The following CFAP43 variants were observed in gnomAD, a reference collection of about 807,000 sequenced individuals.
The protein encoded by CFAP43 is cilia- and flagella-associated protein 43.
Under a neutral mutation model 218.9 loss-of-function variants are expected in CFAP43, and 155 were observed. The ratio of observed to expected loss-of-function variants is 0.71; its 90% CI spans 0.62 to 0.81. The LOEUF (loss-of-function observed/expected upper bound fraction) is 0.81. CFAP43 is among the 30% of genes least tolerant of loss of function. The pLI, the probability that CFAP43 is intolerant of heterozygous loss-of-function variation, is 0.00. For missense variants in CFAP43, 1,778 were observed against 1,954.3 expected, an observed-to-expected ratio of 0.91 and a Z score of 1.70; for synonymous variants, 645 against 681.3, an observed-to-expected ratio of 0.95 and a Z score of 0.83.
intron 16 of CFAP43, 60 bp downstream of exon 16, chr10:104,184,956 T>C: frequency 3.8e-6 from 6 of 1,571,370 alleles, no homozygotes; most frequent in Middle Eastern, 1.7e-4. Flanking sequence ...TAAATAATAA[T>C]AAAATCTCTA....
At position 104,179,084 on chromosome 10, in the gene CFAP43, A is replaced by C. The variant is rs141383261; in HGVS notation, c.2405T>G (p.Leu802Arg). Residue 802 changes from leucine to arginine, a missense_variant, in exon 19 of 38, where the codon CTG (leucine) becomes CGG (arginine). Around this residue, in one of 3 missense-constraint regions of CFAP43, gnomAD observed 1,553 missense variants for 1,685.2 expected, o/e 0.92. Transcript: ENST00000357060. ...TATCTCTTTCCTTTTCTTGGAAAACAGATTAACCTCCTTTTTGATGGCCTG... is the reference window on the plus strand; with the variant it reads ...TATCTCTTTCCTTTTCTTGGAAAACCGATTAACCTCCTTTTTGATGGCCTG... Reference protein sequence around the residue: ...SQEAIKKEVNLFSKKRKEIKQ... With the variant: ...SQEAIKKEVNRFSKKRKEIKQ... The C allele has an allele frequency of 8.7e-6, 14 of 1,613,464 alleles. No homozygotes were observed. The highest frequency in any genetic ancestry group is 1.2e-5 in the Non-Finnish European group (14 of 1,179,718).
At chr10:104,202,729 CCTT>C (rs2090567628) in intron 8 of CFAP43, among the ~76,000 whole-genome samples, 1 of 151,368 alleles carries the variant, frequency 6.6e-6, no homozygotes. Flanking sequence ...GGTCTTTCCT[CCTT>C]CTTTTATGAT....
chr10:104,179,957 A>G, intron 17 of CFAP43, 25 bp from the exon 18 acceptor site: 1 of 1,570,842 alleles, frequency 6.4e-7, no homozygotes, highest in Non-Finnish European at 8.7e-7. Flanking sequence ...AAAAAGACAG[A>G]CATGTCTTAA....
chr10:104,222,270 A>G (rs1161490131), intron 3 of CFAP43, among the ~76,000 whole-genome samples: 1 of 152,124 alleles, frequency 6.6e-6, no homozygotes, highest in African/African-American at 2.4e-5. Flanking sequence ...CTCCCTGTTC[A>G]TCTTCTAGCT....
At chr10:104,207,147 TG>T (rs2090717389) in intron 6 of CFAP43, among the ~76,000 whole-genome samples, 1 of 151,566 alleles carries the variant, frequency 6.6e-6, no homozygotes, top group Non-Finnish European at 1.5e-5. Flanking sequence ...CATCCTAGCC[TG>T]GGTGACAGAA....
rs367934803 is a variant in CFAP43 at position 104,188,549 on chromosome 10, T to C, written c.1547-139A>G. 3.5e-6 allele frequency: 4 copies of C among 1,139,174 alleles called. No individual in the cohort carries two copies. The African/African-American group carries it at 6.3e-5, about 18-fold the overall frequency. The allele number at this position is 1,139,174 out of a possible 1,614,324, so 70.6% of individuals were successfully genotyped here. On this transcript the variant is annotated intron_variant, in intron 12 of 37. Coordinates refer to ENST00000357060, the MANE Select transcript of CFAP43 (RefSeq NM_025145.7). ...CAAATTATTTGCTGGACATTTAAAG[T>C]GACCTTTAAACATAAGTTACAGGGA...
chr10:104,130,226 T>C lies in CFAP43; in HGVS notation c.4911A>G (p.Ser1637=). 6.2e-7 allele frequency: 1 copy of C among 1,613,306 alleles called. No homozygotes were observed. Among genetic ancestry groups the C allele is most frequent in the Non-Finnish European group, 8.5e-7 (1 of 1,179,856 alleles). The change falls in exon 38 of 38, where the codon TCA becomes TCG. Residue 1637 remains serine (S), a synonymous_variant. Coordinates refer to ENST00000357060, the MANE Select transcript of CFAP43 (RefSeq NM_025145.7). ...TTGAAATCTGTTCAGCTTGTTGTTT[T>C]GAAATATTTGTTAACTTCTGCTGTT... ...MMQQQKLTNI[S]KQQAEQISIL...
chr10:104,174,782 G>A (rs745836310), intron 19 of CFAP43, among the ~76,000 whole-genome samples: 5 of 151,956 alleles, frequency 3.3e-5, no homozygotes, highest in Non-Finnish European at 5.9e-5. Flanking sequence ...CTGGCCGGGC[G>A]TGGTGGCCCA....
chr10:104,193,725 A>G, intron 11 of CFAP43, 141 bp downstream of exon 11: 3 of 1,165,580 alleles, frequency 2.6e-6, no homozygotes, highest in Non-Finnish European at 2.3e-6. Flanking sequence ...GTACCTTTTG[A>G]GTGTTGAACT....
intron 27 of CFAP43, among the ~76,000 whole-genome samples, chr10:104,157,767 TGTGTGTGTGAGAGAGAGAGAGAGA>T (rs1211154587): frequency 2.5e-5 from 3 of 118,690 alleles, no homozygotes; most frequent in African/African-American, 1.1e-4. Flanking sequence ...TGTGTGTGTG[TGTGTGTGTGAGAGAGAGAGAGAGA>T]GAGAGAGAGA....
chr10:104,209,082 C>T (rs867253894), intron 5 of CFAP43, among the ~76,000 whole-genome samples: 1 of 152,080 alleles, frequency 6.6e-6, no homozygotes, highest in Non-Finnish European at 1.5e-5. Flanking sequence ...TTATACAGAT[C>T]GAGTCATTAT....
At chr10:104,184,495 TA>T (rs1328038762) in intron 16 of CFAP43, among the ~76,000 whole-genome samples, 3 of 151,286 alleles carry the variant, frequency 2.0e-5, no homozygotes, top group Non-Finnish European at 4.4e-5. Context: ...GATGCTCTGA[TA>T]TCTGGGGCCT....
chr10:104,138,432 T>G (rs1264628897), intron 34 of CFAP43, among the ~76,000 whole-genome samples: 1 of 152,052 alleles, frequency 6.6e-6, no homozygotes, highest in African/African-American at 2.4e-5. Flanking sequence ...TCCCAACACT[T>G]TGGGAGGCTG....
At position 104,162,024 on chromosome 10, in the gene CFAP43, G is replaced by A. The variant is rs766274815; in HGVS notation, c.3351C>T (p.Leu1117=). ...CTCCCATCATGTCCATCAGAGCTCGGAGTCTTGTACTGGCATCCTGGGAAA... is the reference window on the plus strand; with the variant it reads ...CTCCCATCATGTCCATCAGAGCTCGAAGTCTTGTACTGGCATCCTGGGAAA... The part of the protein sequence containing the change: ...WLLIQDASTR[L]RALMDMMGGV... The change falls in exon 26 of 38, where the codon CTC becomes CTT. Residue 1117 remains leucine (L), a synonymous_variant. Transcript: ENST00000357060. 2 of 1,613,604 alleles carry A rather than the reference G, an allele frequency of 1.2e-6. No individual in the cohort carries two copies. Among genetic ancestry groups the A allele is most frequent in the Admixed American group, 1.7e-5 (1 of 59,946 alleles).
At chr10:104,133,436 C>T (rs2087288896) in intron 35 of CFAP43, 184 bp downstream of exon 35, 6 of 556,420 alleles carry the variant, frequency 1.1e-5, no homozygotes, top group Non-Finnish European at 1.8e-5. Context: ...CTAAATGGGT[C>T]ATGAAGAACT....
At chr10:104,156,894 T>C (rs2088577096) in intron 27 of CFAP43, among the ~76,000 whole-genome samples, 1 of 152,132 alleles carries the variant, frequency 6.6e-6, no homozygotes, top group African/African-American at 2.4e-5. Flanking sequence ...TCTTACTTCT[T>C]TCTTTCAAGG....
At chr10:104,187,811 C>T (rs570360944) in intron 13 of CFAP43, among the ~76,000 whole-genome samples, 1 of 152,164 alleles carries the variant, frequency 6.6e-6, no homozygotes, top group Non-Finnish European at 1.5e-5. Flanking sequence ...GTTGTCGGCT[C>T]TCTTCTGCTC....
Position 104,152,663 on chromosome 10 carries a change from C to T in CFAP43, c.3604G>A (p.Glu1202Lys), listed in dbSNP as rs753352553. ...CTTTCAAAAAGTCTTTTCAAATGTTCATCAAAGGCCTGTGTGCTTTCTTGA... is the reference window on the plus strand; with the variant it reads ...CTTTCAAAAAGTCTTTTCAAATGTTTATCAAAGGCCTGTGTGCTTTCTTGA... ...SIQESTQAFD[E>K]HLKRLFERRV... The change falls in exon 28 of 38, where the codon GAA (glutamate) becomes AAA (lysine). Residue 1202 changes from glutamate (E) to lysine (K), a missense_variant. By Grantham distance (56) the Glu-to-Lys change is moderately conservative. Coordinates refer to ENST00000357060, the MANE Select transcript of CFAP43 (RefSeq NM_025145.7). 20 of 1,613,792 alleles carry T rather than the reference C, an allele frequency of 1.2e-5. 1 individual carries two copies. The South Asian group carries it at 1.8e-4, about 14-fold the overall frequency.
At chr10:104,163,125 A>G (rs1480043723) in intron 24 of CFAP43, among the ~76,000 whole-genome samples, 2 of 152,224 alleles carry the variant, frequency 1.3e-5, no homozygotes, top group African/African-American at 4.8e-5. Context: ...GCACAGGTTA[A>G]GAGGATGAAC....
Sources: allele counts gnomAD v4.1 joint callset (sites outside exome capture counted in the v4.1 genomes callset), GRCh38; gene constraint gnomAD v4.1.1; regional missense constraint gnomAD v4.1.1; transcripts MANE v1.5; gene names NCBI Gene and HGNC (gene_info 2026-07-23, HGNC 2026-07-21).